Variants in SLC24A3 observed in about 807,000 individuals in gnomAD.
SLC24A3 encodes the protein sodium/potassium/calcium exchanger 3.
In SLC24A3, 28 loss-of-function variants were observed where a neutral mutation model predicts 75.8. That is an observed-to-expected ratio of 0.37 (90% CI 0.27 to 0.51). The LOEUF is 0.51. SLC24A3 is among the 20% of genes least tolerant of loss of function. The pLI is 0.94. For synonymous variants in SLC24A3, 372 were observed against 334.1 expected (o/e 1.11, Z -1.24); for missense variants, 663 against 847.8 (o/e 0.78, Z 2.71).
At position 19,569,817 on chromosome 20, in the gene SLC24A3, C is replaced by T. The variant is rs576856852; in HGVS notation, c.349-10183C>T. ...CTTGCACCTTCAGGCCAAAGGTTCC[C>T]GTTGTTATTAGGCTCTGGGGGTCTC... On this transcript the variant is annotated intron_variant, in intron 3 of 16. Coordinates refer to ENST00000328041, the MANE Select transcript of SLC24A3 (RefSeq NM_020689.4). 6.6e-5 allele frequency among the ~76,000 whole-genome samples: 10 copies of T among 152,274 alleles called. No homozygotes were observed. The South Asian group carries it at 1.7e-3, about 25-fold the overall frequency.
chr20:19,541,036 G>A (rs2030486800), intron 3 of SLC24A3, among the ~76,000 whole-genome samples: 1 of 152,208 alleles, frequency 6.6e-6, no homozygotes, highest in South Asian at 2.1e-4. Flanking sequence ...ATGACGACTT[G>A]AAAGGCAACT....
intron 6 of SLC24A3, among the ~76,000 whole-genome samples, chr20:19,591,091 T>C (rs1348092081): frequency 6.6e-6 from 1 of 151,840 alleles, no homozygotes; most frequent in Non-Finnish European, 1.5e-5. Flanking sequence ...GATCTCCCCC[T>C]GACAGATGCT....
intron 12 of SLC24A3, among the ~76,000 whole-genome samples, chr20:19,688,845 T>C (rs2032712063): frequency 6.6e-6 from 1 of 152,176 alleles, no homozygotes; most frequent in Non-Finnish European, 1.5e-5. Flanking sequence ...AAGATTGATA[T>C]AACATAGTGT....
In SLC24A3 at chr20:19,648,058, C is replaced by T. The variant is rs952422420; in HGVS notation, c.613-6004C>T. On this transcript the variant is annotated intron_variant, in intron 6 of 16. Coordinates refer to ENST00000328041, the MANE Select transcript of SLC24A3 (RefSeq NM_020689.4). ...ATTACTGTCCATTTTCGATAGTGAA[C>T]TTCTAGAAAACAGGAGCCATTTGTA... 2.3e-4 allele frequency among the ~76,000 whole-genome samples: 35 copies of T among 152,194 alleles called. 1 individual carries two copies.
At chr20:19,218,075 T>G (rs1387080572) in intron 1 of SLC24A3, among the ~76,000 whole-genome samples, 1 of 152,146 alleles carries the variant, frequency 6.6e-6, no homozygotes, top group Non-Finnish European at 1.5e-5. Flanking sequence ...TAGTAGGAGC[T>G]CAGAAGATAT....
intron 6 of SLC24A3, among the ~76,000 whole-genome samples, chr20:19,647,634 A>T (rs761854182): frequency 5.3e-5 from 8 of 152,180 alleles, no homozygotes; most frequent in Non-Finnish European, 8.8e-5. Flanking sequence ...GAACTACCAA[A>T]TTTTGAAGGC....
chr20:19,359,840 CTG>C (rs1430511081), intron 2 of SLC24A3, among the ~76,000 whole-genome samples: 2 of 152,148 alleles, frequency 1.3e-5, no homozygotes, highest in Non-Finnish European at 2.9e-5. Context: ...AGTGTTACCA[CTG>C]AGGACAGCTT....
chr20:19,540,933 G>A (rs2030485024), intron 3 of SLC24A3, among the ~76,000 whole-genome samples: 1 of 152,176 alleles, frequency 6.6e-6, no homozygotes, highest in South Asian at 2.1e-4. Flanking sequence ...ATGTCTAAAT[G>A]TTGGTGCAAT....
Position 19,721,301 on chromosome 20 carries a change from C to A in SLC24A3, c.*161C>A. The A allele has an allele frequency of 2.6e-6, 2 of 769,932 alleles. No individual in the cohort carries two copies. Among genetic ancestry groups the A allele is most frequent in the Non-Finnish European group, 4.0e-6 (2 of 497,848 alleles). 47.7% of individuals were successfully genotyped at this position (769,932 alleles called of 1,614,324 possible). A position where few individuals can be genotyped will look rare whatever the true frequency, so the allele number is the denominator to read the frequency against. On this transcript the variant is annotated 3_prime_UTR_variant, in exon 17 of 17. Coordinates refer to ENST00000328041, the MANE Select transcript of SLC24A3 (RefSeq NM_020689.4). The stretch of plus-strand genomic sequence containing the variant: ...TTGGTGGCCCAGGCTCTCCCCTGAC[C>A]CATCCTCGCTCCCCCACCTCCTTGG...
chr20:19,410,979 G>A (rs1986734617), intron 2 of SLC24A3, among the ~76,000 whole-genome samples: 1 of 152,144 alleles, frequency 6.6e-6, no homozygotes, highest in African/African-American at 2.4e-5. Context: ...TGAAGTCTAG[G>A]GAGAAGCCAC....
At chr20:19,618,606 C>T (rs931438706) in intron 6 of SLC24A3, among the ~76,000 whole-genome samples, 5 of 152,188 alleles carry the variant, frequency 3.3e-5, no homozygotes, top group African/African-American at 1.2e-4. Context: ...GAGAATTCAG[C>T]CCGTGACAAC....
chr20:19,361,062 C>T (rs1278246045), intron 2 of SLC24A3, among the ~76,000 whole-genome samples: 15 of 152,174 alleles, frequency 9.9e-5, no homozygotes, highest in African/African-American at 3.4e-4. Context: ...CTCCTGACCT[C>T]GTGATCCACC....
At chr20:19,455,584 G>A (rs941094444) in intron 2 of SLC24A3, among the ~76,000 whole-genome samples, 2 of 152,194 alleles carry the variant, frequency 1.3e-5, no homozygotes, top group African/African-American at 2.4e-5. Flanking sequence ...TTTAATCAGC[G>A]AGAGATAAGA....
At chr20:19,213,015 G>A in intron 1 of SLC24A3, 31 bp downstream of exon 1, 1 of 1,232,560 alleles carries the variant, frequency 8.1e-7, no homozygotes, top group Non-Finnish European at 1.0e-6. Context: ...CCGAGTGGGC[G>A]CTGCGGCTCC....
intron 3 of SLC24A3, among the ~76,000 whole-genome samples, chr20:19,550,610 T>C (rs186105258): frequency 5.3e-5 from 8 of 152,316 alleles, no homozygotes. Context: ...GAAAATGCAT[T>C]TCTACCTAGT....
At chr20:19,282,781 T>C (rs1983700489) in intron 2 of SLC24A3, among the ~76,000 whole-genome samples, 1 of 152,190 alleles carries the variant, frequency 6.6e-6, no homozygotes, top group Non-Finnish European at 1.5e-5. Flanking sequence ...GGGGATTCTG[T>C]TCCCTGTTGC....
chr20:19,514,579 C>T (rs1272209208), intron 2 of SLC24A3, among the ~76,000 whole-genome samples: 1 of 152,138 alleles, frequency 6.6e-6, no homozygotes, highest in Admixed American at 6.5e-5. Context: ...GTGGGCACAT[C>T]CTCCAGCAAA....
chr20:19,467,840 C>T (rs1315663665), intron 2 of SLC24A3, among the ~76,000 whole-genome samples: 1 of 150,868 alleles, frequency 6.6e-6, no homozygotes, highest in Non-Finnish European at 1.5e-5. Context: ...GAGATCACAC[C>T]ACTGCACTCC....
chr20:19,217,027 C>T (rs182192539), intron 1 of SLC24A3, among the ~76,000 whole-genome samples: 65 of 152,358 alleles, frequency 4.3e-4, no homozygotes, highest in African/African-American at 1.5e-3. Context: ...AGAACACCCA[C>T]ACGTGGCCTC....
Sources: allele counts gnomAD v4.1 joint callset (sites outside exome capture counted in the v4.1 genomes callset), GRCh38; gene constraint gnomAD v4.1.1; transcripts MANE v1.5; gene names NCBI Gene and HGNC (gene_info 2026-07-23, HGNC 2026-07-21).